WNK3: variants seen among roughly 807,000 people sequenced by gnomAD.
WNK3 encodes the protein serine/threonine-protein kinase WNK3.
A neutral mutation model predicts 116.7 loss-of-function variants in WNK3; 18 were observed. The ratio of observed to expected loss-of-function variants is 0.15; its 90% CI spans 0.11 to 0.23. WNK3 has a LOEUF of 0.23. Among genes scored for constraint, WNK3 ranks in the 10% least tolerant of loss-of-function variants. The pLI is 1.00. For missense variants in WNK3, 993 were observed against 1,323.8 expected (o/e 0.75, Z 3.88); for synonymous variants, 404 against 469.4 (o/e 0.86, Z 1.80).
At chrX:54,255,332 C>T (rs782726716) in intron 12 of WNK3, among the ~76,000 whole-genome samples, 1 of 111,178 alleles carries the variant, frequency 9.0e-6, no homozygotes, top group Non-Finnish European at 1.9e-5. Flanking sequence ...TATACTATGA[C>T]CTATCATACA....
Position 54,202,208 on chromosome X carries a change from A to C in WNK3, c.4871-15T>G, listed in dbSNP as rs782251692. 33 of 1,171,646 alleles carry C rather than the reference A, an allele frequency of 2.8e-5. No homozygotes were observed. Among genetic ancestry groups the C allele is most frequent in the Non-Finnish European group, 2.9e-5 (25 of 870,202 alleles). On this transcript the variant is annotated splice_polypyrimidine_tract_variant and intron_variant, in intron 22 of 23. Coordinates refer to ENST00000354646, the Ensembl canonical transcript of WNK3. ...ACACAGTGGATCTATAAGACAAAAA[A>C]AACAACAACAGGGAAACCATGAAAA...
intron 5 of WNK3, among the ~76,000 whole-genome samples, chrX:54,302,757 A>ATTT (rs782811375): frequency 4.4e-4 from 19 of 43,370 alleles, no homozygotes; most frequent in South Asian, 5.2e-3. Flanking sequence ...ATATATATAT[A>ATTT]TTTTTTTTTT....
intron 22 of WNK3, among the ~76,000 whole-genome samples, chrX:54,219,717 A>G (rs1415218297): frequency 2.8e-5 from 3 of 107,832 alleles, no homozygotes; most frequent in Non-Finnish European, 5.8e-5. Context: ...AGATCCACAC[A>G]TAACACTGTG....
At chrX:54,220,290 T>C (rs965956494) in intron 22 of WNK3, among the ~76,000 whole-genome samples, 24 of 111,094 alleles carry the variant, frequency 2.2e-4, no homozygotes, top group Non-Finnish European at 4.2e-4. Context: ...ATAAGACCTT[T>C]CCTAAATAAT....
chrX:54,249,708 G>T (rs1355990618), intron 16 of WNK3, 74 bp from the exon 17 acceptor site: 3 of 966,080 alleles, frequency 3.1e-6, no homozygotes, highest in Non-Finnish European at 4.2e-6. Context: ...TAAGTCAAAA[G>T]GAACAGGAGG....
chrX:54,217,852 C>T (rs1411577339), intron 22 of WNK3, among the ~76,000 whole-genome samples: 2 of 111,286 alleles, frequency 1.8e-5, no homozygotes, highest in African/African-American at 6.5e-5. Flanking sequence ...AAATAATTAG[C>T]AACAAGAAAA....
chrX:54,302,448 G>A (rs1231804240), intron 5 of WNK3, among the ~76,000 whole-genome samples: 4 of 109,254 alleles, frequency 3.7e-5, no homozygotes, highest in Non-Finnish European at 5.7e-5. Flanking sequence ...ACAGGCGCAC[G>A]CCACCAAGCC....
At chrX:54,318,985 C>T (rs1322132570) in intron 2 of WNK3, among the ~76,000 whole-genome samples, 4 of 109,852 alleles carry the variant, frequency 3.6e-5, no homozygotes, top group Non-Finnish European at 7.6e-5. Flanking sequence ...GCCATGTTGG[C>T]CAGGCTGGTT....
At chrX:54,289,868 C>A (rs1286779686) in intron 10 of WNK3, among the ~76,000 whole-genome samples, 1 of 111,671 alleles carries the variant, frequency 9.0e-6, no homozygotes, top group Non-Finnish European at 1.9e-5. Context: ...GCATCTGGTG[C>A]TTTGGTTAAT....
At chrX:54,239,127 AAAC>A in intron 17 of WNK3, 28 bp from the exon 18 acceptor site, 1 of 870,986 alleles carries the variant, frequency 1.1e-6, no homozygotes, top group South Asian at 4.1e-5. Context: ...AAACAAAACA[AAAC>A]AAAACAAAAC....
At chrX:54,255,626 G>A in intron 12 of WNK3, 114 bp downstream of exon 12, 1 of 612,056 alleles carries the variant, frequency 1.6e-6, no homozygotes, top group Non-Finnish European at 2.4e-6. Flanking sequence ...CGGAGAAAAG[G>A]TTAGTTTAGA....
intron 22 of WNK3, among the ~76,000 whole-genome samples, chrX:54,207,693 T>C (rs2067569670): frequency 9.2e-6 from 1 of 109,026 alleles, no homozygotes; most frequent in Admixed American, 9.9e-5. Context: ...TTTGCATTTT[T>C]AGTAGAGATG....
chrX:54,253,469 A>G (rs1299065450), intron 13 of WNK3, among the ~76,000 whole-genome samples: 2 of 110,333 alleles, frequency 1.8e-5, no homozygotes, highest in African/African-American at 6.6e-5. Context: ...CACTCACTAC[A>G]TTGCCTAGGC....
chrX:54,202,102 C>T (rs1172703266), exon 23 of WNK3: 12 of 1,211,256 alleles, frequency 9.9e-6, no homozygotes, highest in Non-Finnish European at 1.2e-5. Flanking sequence ...TCCAGTCATC[C>T]ACCAGCTTGT....
At chrX:54,350,039 GGTT>G (rs1156406058) in intron 1 of WNK3, among the ~76,000 whole-genome samples, 1 of 111,782 alleles carries the variant, frequency 8.9e-6, no homozygotes, top group African/African-American at 3.2e-5. Context: ...TGGGATAACT[GGTT>G]ATCAATTTTG....
At chrX:54,280,231 A>G (rs2068499761) in intron 10 of WNK3, among the ~76,000 whole-genome samples, 1 of 109,765 alleles carries the variant, frequency 9.1e-6, no homozygotes, top group Non-Finnish European at 1.9e-5. Context: ...CGGGGAGCGG[A>G]GATTGCAGAG....
At chrX:54,235,475 C>T (rs1480123725) in intron 20 of WNK3, among the ~76,000 whole-genome samples, 16 of 110,932 alleles carry the variant, frequency 1.4e-4, no homozygotes, top group South Asian at 1.1e-3. Context: ...TTAGTAGAGA[C>T]GGGGTTTTGC....
At chrX:54,220,483 C>T (rs1192882590) in intron 22 of WNK3, among the ~76,000 whole-genome samples, 3 of 110,203 alleles carry the variant, frequency 2.7e-5, no homozygotes, top group South Asian at 7.8e-4. Flanking sequence ...CCCAGGAGGT[C>T]GAGGCTGCAG....
At chrX:54,236,805 T>C in intron 20 of WNK3, 133 bp downstream of exon 20, 1 of 766,596 alleles carries the variant, frequency 1.3e-6, no homozygotes, top group Non-Finnish European at 1.8e-6. Context: ...CATTCATAAA[T>C]GTTTAGCATT....
Sources: allele counts gnomAD v4.1 joint callset (sites outside exome capture counted in the v4.1 genomes callset), GRCh38; gene constraint gnomAD v4.1.1; transcripts MANE v1.5; gene names NCBI Gene and HGNC (gene_info 2026-07-23, HGNC 2026-07-21).